HECW2: variants seen among roughly 807,000 people sequenced by gnomAD.
HECW2 encodes E3 ubiquitin-protein ligase HECW2.
In HECW2, 61 loss-of-function variants were observed where a neutral mutation model predicts 175.2. The observed-to-expected ratio is 0.35, with a 90% CI of 0.28 to 0.43. HECW2 has a LOEUF of 0.43. Among genes scored for constraint, HECW2 ranks in the 20% least tolerant of loss-of-function variants. The pLI is 1.00. For missense variants in HECW2, 1,524 were observed against 2,000.5 expected (o/e 0.76, Z 4.54); for synonymous variants, 671 against 731.0 (o/e 0.92, Z 1.32).
At chr2:196,262,757 G>C (rs1175538276) in intron 17 of HECW2, among the ~76,000 whole-genome samples, 4 of 151,960 alleles carry the variant, frequency 2.6e-5, no homozygotes, top group African/African-American at 4.8e-5. Context: ...GCGGAAATAG[G>C]GTTTCATATG....
chr2:196,404,794 T>C (rs1694913534), intron 2 of HECW2, among the ~76,000 whole-genome samples: 2 of 146,976 alleles, frequency 1.4e-5, no homozygotes, highest in Non-Finnish European at 3.0e-5. Context: ...GTTGGTAATA[T>C]TTCTTTTTTT....
At chr2:196,362,961 A>G (rs567192315) in intron 2 of HECW2, among the ~76,000 whole-genome samples, 4 of 152,306 alleles carry the variant, frequency 2.6e-5, no homozygotes, top group South Asian at 2.1e-4. Flanking sequence ...GATGCAAACT[A>G]GATTTAAGCT....
rs1047347334 is a variant in HECW2 at position 196,274,217 on chromosome 2, G to A, written c.3136-94C>T. ...AAGTTGTTCAAAATATTAACAATGA[G>A]CATAGTGAAGTACCACTTGATCAGA... On this transcript the variant is annotated intron_variant, in intron 15 of 28. Coordinates refer to ENST00000644978, the MANE Select transcript of HECW2 (RefSeq NM_001348768.2). 1.7e-4 allele frequency: 140 copies of A among 819,580 alleles called. 1 individual carries two copies. In the South Asian group the frequency reaches 2.0e-3, roughly 12 times the overall value. The allele number at this position is 819,580 out of a possible 1,614,324, so 50.8% of individuals were successfully genotyped here.
At chr2:196,357,974 C>T (rs1424583468) in intron 2 of HECW2, among the ~76,000 whole-genome samples, 2 of 152,138 alleles carry the variant, frequency 1.3e-5, no homozygotes, top group Admixed American at 1.3e-4. Flanking sequence ...GACTAATACA[C>T]CAACAGAAGT....
In HECW2 at chr2:196,385,115, T is replaced by C. The variant is rs748906152; in HGVS notation, c.293-41351A>G. On this transcript the variant is annotated intron_variant, in intron 2 of 28. Coordinates refer to ENST00000644978, the MANE Select transcript of HECW2 (RefSeq NM_001348768.2). ...TTTGTAGAGACAGGGTCTTGCTATG[T>C]TGCCCAGGTTGGTCTTGAACTCCTG... Among the ~76,000 whole-genome samples the C allele has an allele frequency of 3.8e-4, 58 of 152,040 alleles. 1 individual carries two copies. Among genetic ancestry groups the C allele is most frequent in the African/African-American group, 1.4e-3 (57 of 41,400 alleles).
chr2:196,435,442 T>C (rs557797994), intron 1 of HECW2, among the ~76,000 whole-genome samples: 15 of 152,102 alleles, frequency 9.9e-5, no homozygotes, highest in Non-Finnish European at 2.2e-4. Context: ...AATAATCAAC[T>C]CCTAACACAT....
chr2:196,322,898 C>G (rs964398039), intron 6 of HECW2, among the ~76,000 whole-genome samples: 1 of 152,152 alleles, frequency 6.6e-6, no homozygotes, highest in African/African-American at 2.4e-5. Context: ...GAGATGTTAT[C>G]AAATATTAAG....
chr2:196,475,944 C>T (rs867875774), intron 1 of HECW2, among the ~76,000 whole-genome samples: 8 of 152,208 alleles, frequency 5.3e-5, no homozygotes, highest in Non-Finnish European at 1.2e-4. Context: ...TCTTCAAATC[C>T]TCTTGCACAT....
intron 15 of HECW2, among the ~76,000 whole-genome samples, chr2:196,276,482 C>A (rs145393793): frequency 2.9e-4 from 44 of 152,228 alleles, no homozygotes; most frequent in African/African-American, 9.6e-4. Context: ...GAAAAATAGT[C>A]CTAACTAGAC....
chr2:196,253,678 A>G (rs1023808328), intron 19 of HECW2, among the ~76,000 whole-genome samples: 2 of 152,248 alleles, frequency 1.3e-5, no homozygotes. Flanking sequence ...TAACATCATG[A>G]AAAGTAAATT....
At chr2:196,499,545 A>G (rs1687509192) in intron 1 of HECW2, among the ~76,000 whole-genome samples, 2 of 152,192 alleles carry the variant, frequency 1.3e-5, no homozygotes, top group African/African-American at 4.8e-5. Flanking sequence ...GAAATAAGCT[A>G]TTTAGATGGA....
At chr2:196,499,625 A>C (rs1447696573) in intron 1 of HECW2, among the ~76,000 whole-genome samples, 1 of 152,170 alleles carries the variant, frequency 6.6e-6, no homozygotes, top group Admixed American at 6.5e-5. Context: ...AGCCTTCTTA[A>C]AGGCAAACTT....
chr2:196,364,134 C>T (rs1693680311), intron 2 of HECW2, among the ~76,000 whole-genome samples: 1 of 152,178 alleles, frequency 6.6e-6, no homozygotes, highest in South Asian at 2.1e-4. Context: ...TAACTCTGGT[C>T]CTCCAAGCAA....
chr2:196,223,895 T>G (rs1023532873), intron 23 of HECW2, among the ~76,000 whole-genome samples: 5 of 152,188 alleles, frequency 3.3e-5, no homozygotes, highest in Non-Finnish European at 7.4e-5. Flanking sequence ...GGCAAACATG[T>G]AGCAATCAGG....
chr2:196,300,694 C>CTATACACATATA (rs60719469), intron 13 of HECW2, among the ~76,000 whole-genome samples: 2 of 151,662 alleles, frequency 1.3e-5, no homozygotes, highest in East Asian at 1.9e-4. Context: ...ATATCTATAT[C>CTATACACATATA]TATACACATA....
chr2:196,443,860 C>A (rs1270308515), intron 1 of HECW2, among the ~76,000 whole-genome samples: 2 of 152,116 alleles, frequency 1.3e-5, no homozygotes, highest in Non-Finnish European at 2.9e-5. Flanking sequence ...CATGGCAAAA[C>A]CCCATCTCTA....
Position 196,568,156 on chromosome 2 carries a change from A to G in HECW2, c.-36+25352T>C, listed in dbSNP as rs567837619. Among the ~76,000 whole-genome samples, 14 of 152,296 alleles carry G rather than the reference A, an allele frequency of 9.2e-5. No individual in the cohort carries two copies. The East Asian group carries it at 2.1e-3, about 23-fold the overall frequency. On this transcript the variant is annotated intron_variant, in intron 1 of 28. Transcript: ENST00000644978. ...CAAGGATCCATTAAAACCTCATAAC[A>G]TGAAGTTGTGTGTCTGTTTCTTTTT...
rs112341988 is a variant in HECW2 at position 196,329,526 on chromosome 2, C to T, written c.571+49G>A. ...AGAAAGAAGTGACTATTCATACCTT[C>T]GAAACTGTACACTTTCAAACTGGAT... On this transcript the variant is annotated intron_variant, in intron 5 of 28. Transcript: ENST00000644978. 2.9e-4 allele frequency: 423 copies of T among 1,476,938 alleles called. 1 individual carries two copies. In the African/African-American group the frequency reaches 4.7e-3, roughly 16 times the overall value. 91.5% of individuals were successfully genotyped at this position (1,476,938 alleles called of 1,614,324 possible). A position where few individuals can be genotyped will look rare whatever the true frequency, so the allele number is the denominator to read the frequency against.
chr2:196,240,558 T>C lies in HECW2; in HGVS notation c.3655A>G (p.Ile1219Val). Reference protein sequence around the residue: ...YGQGPGKLKLIIRRDHLLEDA... With the variant: ...YGQGPGKLKLVIRRDHLLEDA... The stretch of plus-strand genomic sequence containing the variant: ...TCTAGTAAGTGATCTCTTCGGATAA[T>C]TAACCTGTCCATAAAGAGACAATTT... Residue 1219 changes from isoleucine to valine, a missense_variant, in exon 21 of 29, where the codon ATT becomes GTT. Around this residue, in one of 11 missense-constraint regions of HECW2, gnomAD observed 291 missense variants for 412.2 expected, o/e 0.71. Transcript: ENST00000644978. 1 of 1,603,508 alleles carries C rather than the reference T, an allele frequency of 6.2e-7. No homozygotes were observed. Among genetic ancestry groups the C allele is most frequent in the Non-Finnish European group, 8.5e-7 (1 of 1,176,786 alleles).
Sources: allele counts gnomAD v4.1 joint callset (sites outside exome capture counted in the v4.1 genomes callset), GRCh38; gene constraint gnomAD v4.1.1; regional missense constraint gnomAD v4.1.1; transcripts MANE v1.5; gene names NCBI Gene and HGNC (gene_info 2026-07-23, HGNC 2026-07-21).